Variants in ONECUT2 observed in about 807,000 individuals in gnomAD.
ONECUT2 encodes one cut domain family member 2.
ONECUT2 carries 10 observed loss-of-function variants against 27.9 expected under a neutral mutation model. That is an observed-to-expected ratio of 0.36 (90% CI 0.22 to 0.61). ONECUT2 has a LOEUF of 0.61. ONECUT2 is among the 20% of genes least tolerant of loss of function. The pLI, the probability that ONECUT2 is intolerant of heterozygous loss-of-function variation, is 0.73. For synonymous variants in ONECUT2, 334 were observed against 315.1 expected (o/e 1.06, Z -0.64); for missense variants, 686 against 721.0 (o/e 0.95, Z 0.56).
Position 57,436,244 on chromosome 18 carries a change from G to A in ONECUT2, c.528G>A (p.Pro176=). 5 of 1,591,050 alleles carry A rather than the reference G, an allele frequency of 3.1e-6. No individual in the cohort carries two copies. Among genetic ancestry groups the A allele is most frequent in the Admixed American group, 1.7e-5 (1 of 58,164 alleles). The change falls in exon 1 of 2, where the codon CCG becomes CCA. Residue 176 remains proline, a synonymous_variant. Coordinates refer to ENST00000491143, the MANE Select transcript of ONECUT2 (RefSeq NM_004852.3). This position sits in a 1 kb window ranked among gnomAD's most constrained non-coding sequence, Gnocchi z 5.9. ...ACCACCCTCACCCGCACCACCATCC[G>A]CACCACCACCACCACCACCACCACC... ...KFHHPHPHHH[P]HHHHHHHHQR...
intron 1 of ONECUT2, among the ~76,000 whole-genome samples, chr18:57,462,274 G>A (rs1294019402): frequency 6.6e-6 from 1 of 152,184 alleles, no homozygotes; most frequent in Non-Finnish European, 1.5e-5. Context: ...TTTCCTTATT[G>A]ATTTCCAGAA....
rs2050441740 is a variant in ONECUT2 at position 57,486,950 on chromosome 18, G to A, written c.*10227G>A. 1 of 152,656 alleles carries A rather than the reference G, an allele frequency of 6.6e-6. No homozygotes were observed. Among genetic ancestry groups the A allele is most frequent in the African/African-American group, 2.4e-5 (1 of 41,452 alleles). The allele number at this position is 152,656 out of a possible 1,614,324, so 9.5% of individuals were successfully genotyped here. On this transcript the variant is annotated 3_prime_UTR_variant, in exon 2 of 2. Transcript: ENST00000491143. ...CATGAGGCTAAAAATTTAGCAGTGTGATGCATTGTGGTCTTAATAGCAACA... is the reference window on the plus strand; with the variant it reads ...CATGAGGCTAAAAATTTAGCAGTGTAATGCATTGTGGTCTTAATAGCAACA...
At chr18:57,467,129 A>T (rs1014915545) in intron 1 of ONECUT2, 10 of 455,988 alleles carry the variant, frequency 2.2e-5, no homozygotes, top group Non-Finnish European at 4.0e-5. Flanking sequence ...AAGTAAAAAT[A>T]GAGACAGGAA....
rs1317953880 is a variant in ONECUT2, at chr18:57,436,920, C to T, written c.1204C>T (p.Arg402Cys). 6.2e-7 allele frequency: 1 copy of T among 1,608,518 alleles called. No individual in the cohort carries two copies. The highest frequency in any genetic ancestry group is 8.5e-7 in the Non-Finnish European group (1 of 1,177,744). Residue 402 changes from arginine to cysteine, a missense_variant, in exon 1 of 2, where the codon CGC becomes TGC. Physicochemically the swap from Arg to Cys is radical, Grantham distance 180 (BLOSUM62 -3). Transcript: ENST00000491143. The surrounding 1 kb of genome is among the most constrained non-coding windows in gnomAD (Gnocchi z 5.9). ...GTGGCTTCAGGAGCCCGAGTTCCAG[C>T]GCATGTCCGCCTTACGCCTGGCAGG... The part of the protein sequence containing the change: ...WKWLQEPEFQ[R>C]MSALRLAACK...
At position 57,436,311 on chromosome 18, in the gene ONECUT2, C is replaced by G; in HGVS notation, c.595C>G (p.Arg199Gly). Residue 199 changes from arginine to glycine, a missense_variant, in exon 1 of 2, where the codon CGC becomes GGC. This residue lies in a region of ONECUT2 where 511 missense variants were observed against 488.1 expected (regional missense o/e 1.05). Coordinates refer to ENST00000491143, the MANE Select transcript of ONECUT2 (RefSeq NM_004852.3). The surrounding 1 kb of genome is among the most constrained non-coding windows in gnomAD (Gnocchi z 5.9). ...CGTCAGCGGCAGCTTCACCCTCATG[C>G]GCGACGAGCGCGGGCTCCCGGCCAT... ...GNVSGSFTLM[R>G]DERGLPAMNN... 3 of 1,603,522 alleles carry G rather than the reference C, an allele frequency of 1.9e-6. No individual in the cohort carries two copies. The highest frequency in any genetic ancestry group is 2.5e-6 in the Non-Finnish European group (3 of 1,179,518).
At position 57,436,335 on chromosome 18, in the gene ONECUT2, A is replaced by G. The variant is rs770467924; in HGVS notation, c.619A>G (p.Met207Val). Residue 207 changes from methionine (M) to valine (V), a missense_variant, in exon 1 of 2, where the codon ATG becomes GTG. Transcript: ENST00000491143. The surrounding 1 kb of genome is among the most constrained non-coding windows in gnomAD (Gnocchi z 5.9). ...LMRDERGLPA[M>V]NNLYSPYKEM... is the part of the protein sequence containing the mutation. ...GCGCGACGAGCGCGGGCTCCCGGCC[A>G]TGAACAACCTCTACAGTCCCTACAA... The G allele has an allele frequency of 4.4e-6, 7 of 1,605,364 alleles. No individual in the cohort carries two copies. The South Asian group carries it at 5.5e-5, about 13-fold the overall frequency.
chr18:57,458,138 G>A (rs576590243), intron 1 of ONECUT2, among the ~76,000 whole-genome samples: 1 of 152,246 alleles, frequency 6.6e-6, no homozygotes, highest in African/African-American at 2.4e-5. Context: ...AAAAAGTTCT[G>A]CCACTCAAAG....
At chr18:57,454,770 T>C (rs1420731172) in intron 1 of ONECUT2, among the ~76,000 whole-genome samples, 1 of 152,152 alleles carries the variant, frequency 6.6e-6, no homozygotes, top group African/African-American at 2.4e-5. Flanking sequence ...AGCCGGACTA[T>C]TTACTCCCCA....
rs571892827 is a variant in ONECUT2 at position 57,486,838 on chromosome 18, G to T, written c.*10115G>T. Reference sequence around the variant, plus strand: ...AAAAGAATAATTATTTTCTACATTTGTGCCACTTGGTCTGAACAATTAATT... The same window carrying T: ...AAAAGAATAATTATTTTCTACATTTTTGCCACTTGGTCTGAACAATTAATT... On this transcript the variant is annotated 3_prime_UTR_variant, in exon 2 of 2. Transcript: ENST00000491143. 2.0e-5 allele frequency: 3 copies of T among 152,644 alleles called. No individual in the cohort carries two copies. Among genetic ancestry groups the T allele is most frequent in the African/African-American group, 7.2e-5 (3 of 41,520 alleles). 9.5% of individuals were successfully genotyped at this position (152,644 alleles called of 1,614,324 possible).
chr18:57,438,333 C>T (rs968014198), intron 1 of ONECUT2, among the ~76,000 whole-genome samples: 4 of 152,186 alleles, frequency 2.6e-5, no homozygotes, highest in African/African-American at 9.6e-5. Flanking sequence ...CTTTCAGGAT[C>T]GGCGGGCGGT....
Position 57,483,894 on chromosome 18 carries a change from G to A in ONECUT2, c.*7171G>A, listed in dbSNP as rs1291727902. 1.3e-5 allele frequency: 2 copies of A among 152,554 alleles called. No individual in the cohort carries two copies. Among genetic ancestry groups the A allele is most frequent in the Admixed American group, 1.3e-4 (2 of 15,264 alleles). The allele number at this position is 152,554 out of a possible 1,614,324, so 9.5% of individuals were successfully genotyped here. ...AACTTATTCAGCATCTGTGAAAGGTGCACTGTATAGTTTATATTTTTAATT... is the reference window on the plus strand; with the variant it reads ...AACTTATTCAGCATCTGTGAAAGGTACACTGTATAGTTTATATTTTTAATT... On this transcript the variant is annotated 3_prime_UTR_variant, in exon 2 of 2. Transcript: ENST00000491143.
At chr18:57,440,082 A>G (rs1388278649) in intron 1 of ONECUT2, among the ~76,000 whole-genome samples, 2 of 152,250 alleles carry the variant, frequency 1.3e-5, no homozygotes, top group African/African-American at 4.8e-5. Flanking sequence ...CCCCAACGTT[A>G]GATTTCAGAG....
intron 1 of ONECUT2, among the ~76,000 whole-genome samples, chr18:57,437,272 G>A (rs565888682): frequency 6.6e-6 from 1 of 151,858 alleles, no homozygotes; most frequent in Non-Finnish European, 1.5e-5. Context: ...ACTGGGAGGC[G>A]GGATGGGGGT....
chr18:57,462,649 T>A (rs1351609503), intron 1 of ONECUT2, among the ~76,000 whole-genome samples: 2 of 152,090 alleles, frequency 1.3e-5, no homozygotes, highest in African/African-American at 4.8e-5. Flanking sequence ...ACTATTTCTC[T>A]TTGGGCTAGT....
At chr18:57,458,254 A>T (rs1431760261) in intron 1 of ONECUT2, among the ~76,000 whole-genome samples, 2 of 152,248 alleles carry the variant, frequency 1.3e-5, no homozygotes, top group African/African-American at 4.8e-5. Flanking sequence ...ATCAGAATAA[A>T]GTCCTCTTTG....
At chr18:57,459,886 T>C (rs1269835284) in intron 1 of ONECUT2, among the ~76,000 whole-genome samples, 2 of 151,944 alleles carry the variant, frequency 1.3e-5, no homozygotes, top group African/African-American at 4.8e-5. Flanking sequence ...TGCTCTTCCT[T>C]TACTTTATGT....
intron 1 of ONECUT2, among the ~76,000 whole-genome samples, chr18:57,447,877 TC>T (rs2050209410): frequency 6.6e-6 from 1 of 152,094 alleles, no homozygotes. Context: ...TTCTTGAGAG[TC>T]TAGTGATGAG....
At chr18:57,471,283 C>T (rs1370139850) in intron 1 of ONECUT2, among the ~76,000 whole-genome samples, 1 of 152,164 alleles carries the variant, frequency 6.6e-6, no homozygotes, top group Non-Finnish European at 1.5e-5. Flanking sequence ...CAGCTGAGCT[C>T]CTAGAACGCC....
At chr18:57,450,008 G>A (rs1312856853) in intron 1 of ONECUT2, among the ~76,000 whole-genome samples, 1 of 152,084 alleles carries the variant, frequency 6.6e-6, no homozygotes, top group Non-Finnish European at 1.5e-5. Flanking sequence ...ATGGACTGCT[G>A]GTCCATGGCT....
Sources: gnomAD v4.1 joint callset for allele counts (sites outside exome capture counted in the v4.1 genomes callset) on GRCh38, gnomAD v4.1.1 for gene constraint, gnomAD v4.1.1 regional missense constraint, Gnocchi (gnomAD v3.1) non-coding constraint, MANE v1.5 for transcripts, NCBI Gene and HGNC (gene_info 2026-07-23, HGNC 2026-07-21) for gene names.